IGSF9B: variants seen among roughly 807,000 people sequenced by gnomAD.
IGSF9B encodes the protein protein turtle homolog B.
A neutral mutation model predicts 143.7 loss-of-function variants in IGSF9B; 48 were observed. The observed-to-expected ratio is 0.33, with a 90% CI of 0.26 to 0.42. The LOEUF is 0.42. Among genes scored for constraint, IGSF9B ranks in the 20% least tolerant of loss-of-function variants. The pLI is 1.00. For synonymous variants in IGSF9B, 903 were observed against 833.1 expected (o/e 1.08, Z -1.44); for missense variants, 1,706 against 1,980.0 (o/e 0.86, Z 2.63).
intron 12 of IGSF9B, 84 bp from the exon 13 acceptor site, chr11:133,927,175 G>A: frequency 3.5e-6 from 4 of 1,139,266 alleles, no homozygotes; most frequent in Middle Eastern, 2.7e-4. Context: ...AGGGTGCTCA[G>A]GGAGAAGGCA....
In IGSF9B at chr11:133,920,580, C is replaced by G; in HGVS notation, c.3145G>C (p.Gly1049Arg). Residue 1049 changes from glycine to arginine, a missense_variant, in exon 18 of 20, where the codon GGG (glycine) becomes CGG (arginine). Gly to Arg is a moderately radical substitution (Grantham distance 125). Around this residue, in one of 7 missense-constraint regions of IGSF9B, gnomAD observed 880 missense variants for 762.9 expected, o/e 1.15. Transcript: ENST00000533871. ...PWGRPEFPFG[G>R]LETPAMMFPH... is the part of the protein sequence containing the mutation. ...AACATCATCGCTGGGGTCTCCAGCC[C>G]CCCGAAGGGGAATTCTGGCCGGCCC... 1 of 1,613,360 alleles carries G rather than the reference C, an allele frequency of 6.2e-7. No homozygotes were observed. The highest frequency in any genetic ancestry group is 8.5e-7 in the Non-Finnish European group (1 of 1,179,714).
At chr11:133,944,118 T>C in intron 3 of IGSF9B, 102 bp downstream of exon 3, 1 of 1,279,808 alleles carries the variant, frequency 7.8e-7, no homozygotes, top group Non-Finnish European at 1.1e-6. Context: ...GGGGGTGAGA[T>C]GCAGTTGGGA....
intron 18 of IGSF9B, 149 bp downstream of exon 18, chr11:133,919,593 G>T (rs983859377): frequency 1.9e-6 from 1 of 527,570 alleles, no homozygotes; most frequent in African/African-American, 2.0e-5. Flanking sequence ...CCAAACCGCG[G>T]CGGCCAGAAC....
rs1011784058 is a variant in IGSF9B, at chr11:133,908,905, C to A, written c.*164G>T. The A allele has an allele frequency of 1.3e-5, 8 of 625,784 alleles. No homozygotes were observed. In the East Asian group the frequency reaches 1.7e-4, roughly 13 times the overall value. 38.8% of individuals were successfully genotyped at this position (625,784 alleles called of 1,614,324 possible). ...GCCCACCCTCCGTCCTGAAGACAGG[C>A]GGCCAGGATCTGGAGGGAGACACCC... On this transcript the variant is annotated 3_prime_UTR_variant, in exon 20 of 20. Transcript: ENST00000533871.
chr11:133,922,324 G>C, intron 16 of IGSF9B, 102 bp from the exon 17 acceptor site: 1 of 1,167,654 alleles, frequency 8.6e-7, no homozygotes, highest in African/African-American at 1.5e-5. Flanking sequence ...ACCGCACAGG[G>C]AAGGAGCTGC....
Position 133,925,728 on chromosome 11 carries a change from A to G in IGSF9B, c.2034+11T>C. 6.2e-7 allele frequency: 1 copy of G among 1,609,038 alleles called. No individual in the cohort carries two copies. Among genetic ancestry groups the G allele is most frequent in the Non-Finnish European group, 8.5e-7 (1 of 1,176,680 alleles). ...TTGGGAAGCAGCAGCAAGGAAGAGC[A>G]AAGCCCTCACCTGTGACAGATCCTT... On this transcript the variant is annotated intron_variant, in intron 14 of 19. Transcript: ENST00000533871.
chr11:133,942,111 G>A (rs114016379), intron 3 of IGSF9B, among the ~76,000 whole-genome samples: 222 of 152,194 alleles, frequency 1.5e-3, no homozygotes, highest in African/African-American at 4.3e-3. Flanking sequence ...TACACCTTCC[G>A]GCCTGATATC....
intron 11 of IGSF9B, among the ~76,000 whole-genome samples, chr11:133,930,155 G>A (rs1939696532): frequency 6.6e-6 from 1 of 152,124 alleles, no homozygotes; most frequent in Non-Finnish European, 1.5e-5. Flanking sequence ...CTCCCGTAAG[G>A]TTCTCTGGCC....
chr11:133,919,744 T>C lies in IGSF9B; in HGVS notation c.3981A>G (p.Ser1327=). The stretch of plus-strand genomic sequence containing the variant: ...GGCGGAAGAGGCGGCGCACTCACCC[T>C]GAAGTAGGTAACGTGGGTGGTGGGG... ...PETPPPTLPT[S]GTLPPAPGNA... is the part of the protein sequence containing the mutation. The change falls in exon 18 of 20, where the codon TCA becomes TCG. Residue 1327 remains serine, a splice_region_variant and synonymous_variant. Transcript: ENST00000533871. The C allele has an allele frequency of 1.4e-6, 2 of 1,451,150 alleles. No individual in the cohort carries two copies. The highest frequency in any genetic ancestry group is 2.5e-5 in the Admixed American group (1 of 39,590). 89.9% of individuals were successfully genotyped at this position (1,451,150 alleles called of 1,614,324 possible).
chr11:133,899,992 A>AAGTGGGG lies in IGSF9B; in HGVS notation c.*9070_*9076dup. 6.6e-6 allele frequency: 1 copy of AAGTGGGG among 152,278 alleles called. No homozygotes were observed. Among genetic ancestry groups the AAGTGGGG allele is most frequent in the Non-Finnish European group, 1.5e-5 (1 of 68,028 alleles). The allele number at this position is 152,278 out of a possible 1,614,324, so 9.4% of individuals were successfully genotyped here. On this transcript the variant is annotated 3_prime_UTR_variant, in exon 20 of 20. Transcript: ENST00000533871. ...CCCATTTCCCATCAGCGTCCTCGGAAAGTGGGGAGTGTTCTCAGCAGTTAA... is the reference window on the plus strand; with the variant it reads ...CCCATTTCCCATCAGCGTCCTCGGAAAGTGGGGAGTGGGGAGTGTTCTCAGCAGTTAA...
chr11:133,945,946 G>C lies in IGSF9B; in HGVS notation c.262+115C>G, dbSNP rs1940040529. ...GACAAAGGATGGGAGGAACCAGGCA[G>C]AGACTGGGAAACAGAGATAAAGAGT... On this transcript the variant is annotated intron_variant, in intron 2 of 19. Transcript: ENST00000533871. The surrounding 1 kb of genome is among the most constrained non-coding windows in gnomAD (Gnocchi z 4.6). 5.6e-6 allele frequency: 4 copies of C among 719,514 alleles called. No individual in the cohort carries two copies. The highest frequency in any genetic ancestry group is 9.2e-6 in the Non-Finnish European group (4 of 434,464). 44.6% of individuals were successfully genotyped at this position (719,514 alleles called of 1,614,324 possible).
At position 133,925,773 on chromosome 11, in the gene IGSF9B, G is replaced by T; in HGVS notation, c.2000C>A (p.Thr667Asn). ...WELLDDGIPG[T>N]EGEFFAKDLS... ...ATCCTTGGCAAAGAACTCTCCTTCG[G>T]TGCCGGGGATGCCATCGTCGAGCAA... Residue 667 changes from threonine to asparagine, a missense_variant, in exon 14 of 20, where the codon ACC (threonine) becomes AAC (asparagine). By Grantham distance (65) the Thr-to-Asn change is moderately conservative. Around this residue, in one of 7 missense-constraint regions of IGSF9B, gnomAD observed 267 missense variants for 321.1 expected, o/e 0.83. Transcript: ENST00000533871. 1 of 1,613,798 alleles carries T rather than the reference G, an allele frequency of 6.2e-7. No homozygotes were observed. The highest frequency in any genetic ancestry group is 8.5e-7 in the Non-Finnish European group (1 of 1,179,842).
In IGSF9B at chr11:133,908,092, G is replaced by A. The variant is rs1028340937; in HGVS notation, c.*977C>T. Among the ~76,000 whole-genome samples, 1 of 152,222 alleles carries A rather than the reference G, an allele frequency of 6.6e-6. No homozygotes were observed. The highest frequency in any genetic ancestry group is 2.4e-5 in the African/African-American group (1 of 41,452). ...GCGCTAGCACAGGTGGCTCCGCAGT[G>A]GGGAGACTTTGGCCACAGAGCTCAC... On this transcript the variant is annotated 3_prime_UTR_variant, in exon 20 of 20. Transcript: ENST00000533871.
intron 1 of IGSF9B, among the ~76,000 whole-genome samples, chr11:133,951,487 TC>T (rs1168870370): frequency 1.3e-5 from 2 of 152,200 alleles, no homozygotes; most frequent in African/African-American, 4.8e-5. Context: ...CGGGGGCCGC[TC>T]CGGCCCTGAG....
chr11:133,920,930 A>G lies in IGSF9B; in HGVS notation c.2795T>C (p.Phe932Ser). 1 of 1,610,024 alleles carries G rather than the reference A, an allele frequency of 6.2e-7. No homozygotes were observed. The highest frequency in any genetic ancestry group is 1.1e-5 in the South Asian group (1 of 91,010). ...YLPPPAYSPR[F>S]QPRGLEGPGG... ...GGGGCCCTCCAGCCCGCGGGGCTGG[A>G]ACCGAGGGCTGTATGCTGGTGGTGG... The change falls in exon 18 of 20, where the codon TTC becomes TCC. Residue 932 changes from phenylalanine to serine, a missense_variant. By Grantham distance (155) the Phe-to-Ser change is radical (BLOSUM62 -2). Coordinates refer to ENST00000533871, the MANE Select transcript of IGSF9B (RefSeq NM_001277285.4).
Position 133,932,101 on chromosome 11 carries a change from G to A in IGSF9B, c.1080C>T (p.Asn360=). 1 of 1,613,928 alleles carries A rather than the reference G, an allele frequency of 6.2e-7. No homozygotes were observed. Among genetic ancestry groups the A allele is most frequent in the East Asian group, 2.2e-5 (1 of 44,892 alleles). The change falls in exon 8 of 20, where the codon AAC becomes AAT. Residue 360 remains asparagine, a synonymous_variant. Transcript: ENST00000533871. The part of the protein sequence containing the change: ...AEPPATVVKW[N]KDGRPLQVEK... Reference sequence around the variant, plus strand: ...CAACCTGCAGGGGACGGCCGTCCTTGTTCCACTTGACCACGGTGGCCGGTG... The same window carrying A: ...CAACCTGCAGGGGACGGCCGTCCTTATTCCACTTGACCACGGTGGCCGGTG...
chr11:133,938,837 G>C (rs1565442661), intron 3 of IGSF9B, among the ~76,000 whole-genome samples: 1 of 152,122 alleles, frequency 6.6e-6, no homozygotes, highest in Non-Finnish European at 1.5e-5. Context: ...ACTTCTGGTA[G>C]GCTTGACAAG....
At chr11:133,932,378 G>GGACA (rs1184273749) in intron 7 of IGSF9B, among the ~76,000 whole-genome samples, 165 bp from the exon 8 acceptor site, 72 of 145,518 alleles carry the variant, frequency 4.9e-4, no homozygotes, top group African/African-American at 1.5e-3. Context: ...ACAGACACGG[G>GGACA]GACAGACAGA....
rs201038366 is a variant in IGSF9B at position 133,944,322 on chromosome 11, C to T, written c.307G>A (p.Val103Ile). Residue 103 changes from valine to isoleucine, a missense_variant, in exon 3 of 20, where the codon GTT becomes ATT. Val to Ile is a conservative substitution (Grantham distance 29, BLOSUM62 3). Coordinates refer to ENST00000533871, the MANE Select transcript of IGSF9B (RefSeq NM_001277285.4). Reference sequence around the variant, plus strand: ...TACCAGCCCTGGTCCTCAGAGCGAACTTGTTCCAGCCGCAGAGATGCCTTA... The same window carrying T: ...TACCAGCCCTGGTCCTCAGAGCGAATTTGTTCCAGCCGCAGAGATGCCTTA... ...HDKASLRLEQ[V>I]RSEDQGWYEC... 3.0e-5 allele frequency: 48 copies of T among 1,613,860 alleles called. No individual in the cohort carries two copies. The African/African-American group carries it at 6.1e-4, about 21-fold the overall frequency.
Sources: allele counts gnomAD v4.1 joint callset (sites outside exome capture counted in the v4.1 genomes callset), GRCh38; gene constraint gnomAD v4.1.1; regional missense constraint gnomAD v4.1.1; non-coding constraint Gnocchi (gnomAD v3.1); transcripts MANE v1.5; gene names NCBI Gene and HGNC (gene_info 2026-07-23, HGNC 2026-07-21).